Variants in SLC4A4 observed in about 807,000 individuals in gnomAD.
The protein encoded by SLC4A4 is solute carrier family 4 member 4, also known as electrogenic sodium bicarbonate cotransporter 1.
In SLC4A4, 27 loss-of-function variants were observed where a neutral mutation model predicts 111.5. The observed-to-expected ratio is 0.24, with a 90% CI of 0.18 to 0.33. The LOEUF (loss-of-function observed/expected upper bound fraction) is 0.33. SLC4A4 is among the 10% of genes least tolerant of loss of function. The pLI is 1.00. For missense variants in SLC4A4, 909 were observed against 1,315.5 expected (o/e 0.69, Z 4.78); for synonymous variants, 443 against 463.4 (o/e 0.96, Z 0.57).
chr4:71,272,236 T>G (rs374439476), intron 3 of SLC4A4, among the ~76,000 whole-genome samples: 1 of 152,336 alleles, frequency 6.6e-6, no homozygotes, highest in African/African-American at 2.4e-5. Context: ...GAAAAGCTCA[T>G]GTAGTGGTGC....
intron 18 of SLC4A4, among the ~76,000 whole-genome samples, chr4:71,536,480 A>ATATATATATG (rs1488334818): frequency 1.7e-4 from 17 of 99,136 alleles, no homozygotes; most frequent in African/African-American, 5.6e-4. Flanking sequence ...ATATATATAT[A>ATATATATATG]TATATATGTA....
At chr4:71,088,392 T>A (rs1199301822) in intron 1 of SLC4A4, among the ~76,000 whole-genome samples, 1 of 152,064 alleles carries the variant, frequency 6.6e-6, no homozygotes, top group Non-Finnish European at 1.5e-5. Context: ...TTGGAGCATT[T>A]AGCCCATTTA....
chr4:71,339,070 G>A, intron 3 of SLC4A4: 1 of 1,553,766 alleles, frequency 6.4e-7, no homozygotes, highest in Non-Finnish European at 8.7e-7. Context: ...GAAGTGAGTG[G>A]TTAGACCTCA....
At chr4:71,297,509 A>AACACACACAC (rs61184918) in intron 3 of SLC4A4, among the ~76,000 whole-genome samples, 153 of 132,134 alleles carry the variant, frequency 1.2e-3, no homozygotes, top group Admixed American at 2.3e-3. Flanking sequence ...CACACAGACA[A>AACACACACAC]ACACACACAC....
At chr4:71,369,948 T>G (rs1345366950) in intron 6 of SLC4A4, among the ~76,000 whole-genome samples, 1 of 152,112 alleles carries the variant, frequency 6.6e-6, no homozygotes, top group African/African-American at 2.4e-5. Context: ...CACACGATTG[T>G]GAGAACATAC....
chr4:71,149,535 T>G (rs1744260550), intron 2 of SLC4A4, among the ~76,000 whole-genome samples: 1 of 152,160 alleles, frequency 6.6e-6, no homozygotes, highest in African/African-American at 2.4e-5. Context: ...CTAAACAACT[T>G]TCAGGTGTGA....
intron 1 of SLC4A4, among the ~76,000 whole-genome samples, chr4:71,066,338 A>C (rs1421138990): frequency 6.6e-6 from 1 of 152,174 alleles, no homozygotes; most frequent in Non-Finnish European, 1.5e-5. Flanking sequence ...TATTCCTTAT[A>C]ACAGCTTTGT....
At chr4:71,394,053 A>G (rs1578998464) in intron 6 of SLC4A4, among the ~76,000 whole-genome samples, 1 of 152,218 alleles carries the variant, frequency 6.6e-6, no homozygotes, top group East Asian at 1.9e-4. Flanking sequence ...CTGCAACTAT[A>G]AAAATTATAG....
chr4:71,544,451 C>G (rs1189334698), intron 18 of SLC4A4, among the ~76,000 whole-genome samples: 5 of 151,846 alleles, frequency 3.3e-5, no homozygotes, highest in African/African-American at 4.8e-5. Flanking sequence ...GATGAGGCTG[C>G]AGATGTGAAC....
intron 7 of SLC4A4, among the ~76,000 whole-genome samples, chr4:71,433,818 C>T (rs1002281997): frequency 6.6e-6 from 1 of 151,954 alleles, no homozygotes; most frequent in Admixed American, 6.6e-5. Flanking sequence ...GTGTTCATTC[C>T]AACACTGCAG....
At chr4:71,064,982 C>T (rs892786898) in intron 1 of SLC4A4, among the ~76,000 whole-genome samples, 1 of 152,092 alleles carries the variant, frequency 6.6e-6, no homozygotes, top group African/African-American at 2.4e-5. Flanking sequence ...CTTCTGCCAA[C>T]AAAAATATAA....
intron 5 of SLC4A4, among the ~76,000 whole-genome samples, chr4:71,352,614 C>A (rs1271415052): frequency 6.6e-6 from 1 of 152,186 alleles, no homozygotes. Context: ...AGTTACTGAA[C>A]TCTTTTGGAG....
chr4:71,551,541 A>G (rs1356807018), intron 20 of SLC4A4, among the ~76,000 whole-genome samples: 1 of 151,896 alleles, frequency 6.6e-6, no homozygotes, highest in African/African-American at 2.4e-5. Context: ...TCTTTTACAC[A>G]TAAGAAAATT....
intron 16 of SLC4A4, among the ~76,000 whole-genome samples, chr4:71,525,570 A>G (rs1423503399): frequency 6.6e-6 from 1 of 152,040 alleles, no homozygotes; most frequent in Non-Finnish European, 1.5e-5. Context: ...TTATATTCCT[A>G]AGATATTGAA....
chr4:71,218,647 C>G (rs1359836681), intron 1 of SLC4A4, among the ~76,000 whole-genome samples: 1 of 152,104 alleles, frequency 6.6e-6, no homozygotes, highest in African/African-American at 2.4e-5. Context: ...GGTTGTATCA[C>G]TTAGTAGCTG....
At chr4:71,175,639 C>G (rs1745068489) in intron 2 of SLC4A4, among the ~76,000 whole-genome samples, 1 of 152,212 alleles carries the variant, frequency 6.6e-6, no homozygotes, top group Non-Finnish European at 1.5e-5. Flanking sequence ...GGAGGGGCGT[C>G]TGCCATTGCT....
At chr4:71,120,804 C>A (rs574617504) in intron 2 of SLC4A4, among the ~76,000 whole-genome samples, 1 of 152,204 alleles carries the variant, frequency 6.6e-6, no homozygotes, top group Non-Finnish European at 1.5e-5. Context: ...GGCACCTCCT[C>A]GGCCTCTGTG....
chr4:71,477,958 G>A (rs938597811), intron 14 of SLC4A4, among the ~76,000 whole-genome samples: 1 of 151,870 alleles, frequency 6.6e-6, no homozygotes, highest in Non-Finnish European at 1.5e-5. Flanking sequence ...AGTAGGCAAA[G>A]GATATGAACA....
chr4:71,092,894 C>T (rs1052743577), intron 2 of SLC4A4, among the ~76,000 whole-genome samples: 7 of 151,968 alleles, frequency 4.6e-5, no homozygotes, highest in Non-Finnish European at 1.0e-4. Flanking sequence ...CAAGAGATCA[C>T]GACCACCCTG....
Sources: gnomAD v4.1 joint callset for allele counts (sites outside exome capture counted in the v4.1 genomes callset) on GRCh38, gnomAD v4.1.1 for gene constraint, MANE v1.5 for transcripts, NCBI Gene and HGNC (gene_info 2026-07-23, HGNC 2026-07-21) for gene names.